The following RELN variants were observed in gnomAD, a reference collection of about 807,000 sequenced individuals.
RELN encodes reelin.
A neutral mutation model predicts 427.6 loss-of-function variants in RELN; 108 were observed. That is an observed-to-expected ratio of 0.25 (90% CI 0.22 to 0.30). The LOEUF is 0.30. RELN is among the 10% of genes least tolerant of loss of function. RELN has a pLI of 1.00. For missense variants in RELN, 3,715 were observed against 4,302.8 expected (o/e 0.86, Z 3.82); for synonymous variants, 1,524 against 1,513.4 (o/e 1.01, Z -0.16).
rs1279358387 is a variant in RELN, at chr7:103,824,627, A to AGAGTGT, written c.473+8909_473+8910insACACTC. 7.6e-6 allele frequency among the ~76,000 whole-genome samples: 1 copy of AGAGTGT among 130,896 alleles called. No individual in the cohort carries two copies. The highest frequency in any genetic ancestry group is 8.0e-5 in the Admixed American group (1 of 12,558). The allele number at this position is 130,896 out of a possible 152,430, so 85.9% of individuals were successfully genotyped here. ...GTGTTTTCACTTTCTTTCAAAACAG[A>AGAGTGT]GTGTGTGTGTGTGTGTGTGTGTGTG... On this transcript the variant is annotated intron_variant, in intron 3 of 64. Coordinates refer to ENST00000428762, the MANE Select transcript of RELN (RefSeq NM_005045.4). This position sits in a 1 kb window ranked among gnomAD's most constrained non-coding sequence, Gnocchi z 4.4.
intron 22 of RELN, among the ~76,000 whole-genome samples, chr7:103,609,809 C>T (rs777711280): frequency 3.9e-5 from 6 of 152,118 alleles, no homozygotes; most frequent in Non-Finnish European, 2.9e-5. Flanking sequence ...GATTGTTAGG[C>T]AGATACTACA....
intron 11 of RELN, 42 bp downstream of exon 11, chr7:103,682,074 G>T (rs1489134417): frequency 3.8e-6 from 6 of 1,589,070 alleles, no homozygotes; most frequent in South Asian, 1.1e-5. Context: ...TAGAATAAAT[G>T]TAAGTGCTAC....
At chr7:103,613,684 G>A (rs1832016490) in intron 20 of RELN, among the ~76,000 whole-genome samples, 1 of 152,130 alleles carries the variant, frequency 6.6e-6, no homozygotes, top group South Asian at 2.1e-4. Context: ...AGCCAACTAG[G>A]CTTCATTTAA....
At chr7:103,951,688 TAA>T (rs66543535) in intron 1 of RELN, among the ~76,000 whole-genome samples, 1 of 151,206 alleles carries the variant, frequency 6.6e-6, no homozygotes, top group Non-Finnish European at 1.5e-5. Flanking sequence ...TTTTTTTTTT[TAA>T]AATACAGAGT....
chr7:103,878,406 T>C (rs996610925), intron 2 of RELN, among the ~76,000 whole-genome samples: 1 of 152,202 alleles, frequency 6.6e-6, no homozygotes, highest in Non-Finnish European at 1.5e-5. Flanking sequence ...TTATCAATTA[T>C]TGGTGTTTAT....
chr7:103,905,831 GCA>G (rs1795192492), intron 2 of RELN, among the ~76,000 whole-genome samples: 1 of 152,288 alleles, frequency 6.6e-6, no homozygotes, highest in Admixed American at 6.5e-5. Flanking sequence ...AGACGGAGAA[GCA>G]CAGAGGAGGG....
At chr7:103,910,287 G>A (rs966360810) in intron 2 of RELN, among the ~76,000 whole-genome samples, 1 of 144,764 alleles carries the variant, frequency 6.9e-6, no homozygotes, top group African/African-American at 2.6e-5. Context: ...TGCTGAAGTT[G>A]CTTATCAGCT....
intron 46 of RELN, among the ~76,000 whole-genome samples, chr7:103,524,500 G>C (rs897709054): frequency 1.3e-5 from 2 of 151,472 alleles, no homozygotes; most frequent in Admixed American, 6.6e-5. Flanking sequence ...TACAACACAC[G>C]TGTTTTCAGA....
intron 1 of RELN, among the ~76,000 whole-genome samples, chr7:103,926,819 T>C (rs1459641760): frequency 6.6e-6 from 1 of 151,944 alleles, no homozygotes; most frequent in East Asian, 1.9e-4. Flanking sequence ...TAATTTTTTT[T>C]GTATTTTTAG....
intron 20 of RELN, among the ~76,000 whole-genome samples, chr7:103,621,175 T>C (rs1405716500): frequency 1.3e-5 from 2 of 152,174 alleles, no homozygotes; most frequent in African/African-American, 2.4e-5. Context: ...TTGCAAAAAG[T>C]AGTCAAATGG....
At chr7:103,574,672 T>C (rs1029578822) in intron 29 of RELN, among the ~76,000 whole-genome samples, 1 of 151,628 alleles carries the variant, frequency 6.6e-6, no homozygotes, top group African/African-American at 2.4e-5. Flanking sequence ...AGTCTCAAAT[T>C]TAAAAAAAAT....
intron 57 of RELN, among the ~76,000 whole-genome samples, chr7:103,494,842 A>C (rs1490663858): frequency 6.6e-6 from 1 of 152,194 alleles, no homozygotes; most frequent in Non-Finnish European, 1.5e-5. Flanking sequence ...GTATAGGCAT[A>C]TGAAGTCAGA....
rs143138052 is a variant in RELN at position 103,847,545 on chromosome 7, C to T, written c.338-13873G>A. On this transcript the variant is annotated intron_variant, in intron 2 of 64. Transcript: ENST00000428762. ...CAAACCTGCATGTCCTGCACATGTA[C>T]CCCATAACTTAAAGTATAATAACAA... 2.6e-5 allele frequency among the ~76,000 whole-genome samples: 4 copies of T among 152,170 alleles called. No individual in the cohort carries two copies. The East Asian group carries it at 7.7e-4, about 29-fold the overall frequency.
chr7:103,584,440 A>C (rs1173496744), intron 28 of RELN, among the ~76,000 whole-genome samples: 2 of 152,232 alleles, frequency 1.3e-5, no homozygotes, highest in African/African-American at 4.8e-5. Context: ...AAAGACTGTA[A>C]TTCAACAAAA....
intron 1 of RELN, among the ~76,000 whole-genome samples, chr7:103,973,167 C>T (rs954120671): frequency 2.6e-5 from 4 of 152,184 alleles, no homozygotes; most frequent in Admixed American, 1.3e-4. Context: ...TAATCCAACC[C>T]ATTTGGTGCA....
chr7:103,652,231 G>T (rs1832932462), intron 14 of RELN, among the ~76,000 whole-genome samples: 1 of 150,672 alleles, frequency 6.6e-6, no homozygotes, highest in African/African-American at 2.4e-5. Flanking sequence ...CCGACAGGAG[G>T]TCAAGCTTTT....
chr7:103,576,141 G>T (rs1192932006), intron 28 of RELN, among the ~76,000 whole-genome samples: 1 of 152,170 alleles, frequency 6.6e-6, no homozygotes, highest in Non-Finnish European at 1.5e-5. Context: ...TGAGGCAGGA[G>T]AATTGCTTCA....
At chr7:103,741,258 C>A (rs1343663484) in intron 6 of RELN, among the ~76,000 whole-genome samples, 1 of 152,100 alleles carries the variant, frequency 6.6e-6, no homozygotes, top group Non-Finnish European at 1.5e-5. Flanking sequence ...ATGCTTGTTT[C>A]TGACTTTAGG....
intron 2 of RELN, among the ~76,000 whole-genome samples, chr7:103,841,148 C>T (rs924483209): frequency 3.3e-5 from 5 of 152,054 alleles, no homozygotes; most frequent in Admixed American, 3.3e-4. Flanking sequence ...CTTCAAACTC[C>T]AAAGTTCTAT....
Sources: allele counts gnomAD v4.1 joint callset (sites outside exome capture counted in the v4.1 genomes callset), GRCh38; gene constraint gnomAD v4.1.1; non-coding constraint Gnocchi (gnomAD v3.1); transcripts MANE v1.5; gene names NCBI Gene and HGNC (gene_info 2026-07-23, HGNC 2026-07-21).